NRXN1: variants seen among roughly 807,000 people sequenced by gnomAD.
The protein encoded by NRXN1 is neurexin 1.
In NRXN1, 39 loss-of-function variants were observed where a neutral mutation model predicts 150.9. That is an observed-to-expected ratio of 0.26 (90% CI 0.20 to 0.34). The LOEUF (loss-of-function observed/expected upper bound fraction) is 0.34. Ranked by LOEUF, NRXN1 falls within the 10% of genes least tolerant of loss-of-function variation. The pLI, the probability that NRXN1 is intolerant of heterozygous loss-of-function variation, is 1.00. For synonymous variants in NRXN1, 924 were observed against 757.0 expected, an observed-to-expected ratio of 1.22 and a Z score of -3.62; for missense variants, 1,815 against 1,949.9, an observed-to-expected ratio of 0.93 and a Z score of 1.30.
intron 12 of NRXN1, among the ~76,000 whole-genome samples, chr2:50,528,066 G>A (rs763962703): frequency 1.3e-5 from 2 of 152,116 alleles, no homozygotes; most frequent in Non-Finnish European, 2.9e-5. Flanking sequence ...TTGCATGCAT[G>A]TCACAGATTT....
intron 21 of NRXN1, among the ~76,000 whole-genome samples, chr2:50,008,523 G>T (rs1464232660): frequency 6.7e-6 from 1 of 149,802 alleles, no homozygotes; most frequent in Non-Finnish European, 1.5e-5. Flanking sequence ...CTGGAGAGTG[G>T]CATGATCTCG....
intron 17 of NRXN1, among the ~76,000 whole-genome samples, chr2:50,343,338 A>C (rs1558563302): frequency 6.6e-6 from 1 of 152,178 alleles, no homozygotes; most frequent in Non-Finnish European, 1.5e-5. Context: ...GGCACATCAC[A>C]TAAGCAGTAC....
intron 21 of NRXN1, among the ~76,000 whole-genome samples, chr2:50,013,987 A>G (rs1430930496): frequency 6.6e-6 from 1 of 152,144 alleles, no homozygotes; most frequent in Non-Finnish European, 1.5e-5. Context: ...TAGGACCTCA[A>G]AGAAGGGAAG....
At chr2:50,561,406 T>C (rs1328350001) in intron 8 of NRXN1, among the ~76,000 whole-genome samples, 3 of 152,210 alleles carry the variant, frequency 2.0e-5, no homozygotes, top group African/African-American at 7.2e-5. Context: ...TGAAGATCTT[T>C]TTGAAATACA....
intron 10 of NRXN1, among the ~76,000 whole-genome samples, chr2:50,532,383 A>G (rs1044150867): frequency 5.3e-5 from 8 of 151,704 alleles, no homozygotes; most frequent in Admixed American, 3.3e-4. Flanking sequence ...TAGCTTAACT[A>G]TAGGAACTAG....
At chr2:50,356,867 A>C (rs2078855205) in intron 17 of NRXN1, among the ~76,000 whole-genome samples, 1 of 152,190 alleles carries the variant, frequency 6.6e-6, no homozygotes, top group South Asian at 2.1e-4. Flanking sequence ...TTTTTAAATG[A>C]ACTAGTTTAC....
At chr2:50,367,745 A>C (rs1353294912) in intron 17 of NRXN1, among the ~76,000 whole-genome samples, 1 of 152,018 alleles carries the variant, frequency 6.6e-6, no homozygotes. Context: ...TTTCATACTT[A>C]GCCAGTTCCA....
intron 21 of NRXN1, among the ~76,000 whole-genome samples, chr2:50,050,449 C>G (rs1283853822): frequency 6.6e-6 from 1 of 151,948 alleles, no homozygotes; most frequent in East Asian, 1.9e-4. Context: ...AGTGTTATCA[C>G]TGAGAAAAAT....
chr2:50,655,973 A>C (rs1686394902), intron 5 of NRXN1, among the ~76,000 whole-genome samples: 1 of 152,018 alleles, frequency 6.6e-6, no homozygotes, highest in African/African-American at 2.4e-5. Context: ...GATACAAAGA[A>C]ATGGGAAAGC....
Position 50,697,301 on chromosome 2 carries a change from G to A in NRXN1, c.833-73686C>T, listed in dbSNP as rs563004361. 2.6e-5 allele frequency among the ~76,000 whole-genome samples: 4 copies of A among 152,294 alleles called. No homozygotes were observed. In the East Asian group the frequency reaches 7.7e-4, roughly 29 times the overall value. On this transcript the variant is annotated intron_variant, in intron 5 of 22. Transcript: ENST00000401669. ...TCATTGTCACAAGCTGATAAGGTAAGTTAGGACAGTATATGATTAATATGC... is the reference window on the plus strand; with the variant it reads ...TCATTGTCACAAGCTGATAAGGTAAATTAGGACAGTATATGATTAATATGC...
intron 18 of NRXN1, among the ~76,000 whole-genome samples, chr2:50,154,248 T>C (rs1040934738): frequency 1.3e-5 from 2 of 151,662 alleles, no homozygotes; most frequent in South Asian, 2.1e-4. Flanking sequence ...AGACTACGCA[T>C]TGAGTACAAT....
intron 15 of NRXN1, among the ~76,000 whole-genome samples, chr2:50,487,850 C>T (rs563419881): frequency 4.4e-4 from 67 of 152,272 alleles, no homozygotes; most frequent in African/African-American, 1.5e-3. Flanking sequence ...TTAGGACCCT[C>T]GCATCTGCAC....
chr2:50,432,038 C>T (rs1342829245), intron 17 of NRXN1, among the ~76,000 whole-genome samples: 1 of 152,150 alleles, frequency 6.6e-6, no homozygotes, highest in Non-Finnish European at 1.5e-5. Context: ...GGTTAAATAA[C>T]TTAAATAACT....
chr2:50,265,562 C>G (rs935570885), intron 17 of NRXN1, among the ~76,000 whole-genome samples: 3 of 152,088 alleles, frequency 2.0e-5, no homozygotes, highest in African/African-American at 7.2e-5. Context: ...GACAGAATGC[C>G]CAAGACTGTT....
intron 17 of NRXN1, among the ~76,000 whole-genome samples, chr2:50,434,615 C>G (rs947284395): frequency 6.6e-6 from 1 of 152,134 alleles, no homozygotes; most frequent in Admixed American, 6.5e-5. Context: ...GGAAGGTCAT[C>G]TTTAAGAGTC....
chr2:49,980,747 G>C (rs1679860813), intron 21 of NRXN1, among the ~76,000 whole-genome samples: 1 of 152,112 alleles, frequency 6.6e-6, no homozygotes, highest in African/African-American at 2.4e-5. Flanking sequence ...TAGAAACCAT[G>C]AATGTGCAGA....
chr2:50,060,896 T>G (rs966306282), intron 19 of NRXN1, among the ~76,000 whole-genome samples: 1 of 151,988 alleles, frequency 6.6e-6, no homozygotes, highest in Non-Finnish European at 1.5e-5. Flanking sequence ...GTCTCTAGTA[T>G]TTCTTCAAAG....
intron 5 of NRXN1, among the ~76,000 whole-genome samples, chr2:50,750,569 T>A (rs1208392581): frequency 1.3e-5 from 2 of 152,014 alleles, no homozygotes; most frequent in African/African-American, 4.8e-5. Flanking sequence ...TGTGCGCATG[T>A]ACCCTAGAGC....
chr2:50,764,189 C>T (rs1390986351), intron 5 of NRXN1, among the ~76,000 whole-genome samples: 1 of 151,910 alleles, frequency 6.6e-6, no homozygotes, highest in African/African-American at 2.4e-5. Flanking sequence ...TTCTCAAATA[C>T]CTACTACATG....
Sources: allele counts gnomAD v4.1 joint callset (sites outside exome capture counted in the v4.1 genomes callset), GRCh38; gene constraint gnomAD v4.1.1; transcripts MANE v1.5; gene names NCBI Gene and HGNC (gene_info 2026-07-23, HGNC 2026-07-21).